Variants in MRPS28 observed in about 807,000 individuals in gnomAD.
MRPS28 encodes small ribosomal subunit protein bS1m.
Under a neutral mutation model 10.8 loss-of-function variants are expected in MRPS28, and 7 were observed. The ratio of observed to expected loss-of-function variants is 0.65; its 90% CI spans 0.37 to 1.22. The LOEUF (loss-of-function observed/expected upper bound fraction) is 1.22. Among genes scored for constraint, MRPS28 ranks in the 50% most tolerant of loss-of-function variants. The pLI, the probability that MRPS28 is intolerant of heterozygous loss-of-function variation, is 0.02. For missense variants in MRPS28, 265 were observed against 232.9 expected, an observed-to-expected ratio of 1.14 and a Z score of -0.90; for synonymous variants, 121 against 93.3, an observed-to-expected ratio of 1.30 and a Z score of -1.71.
chr8:80,004,600 C>T (rs1808771921), intron 1 of MRPS28, among the ~76,000 whole-genome samples: 1 of 152,214 alleles, frequency 6.6e-6, no homozygotes, highest in South Asian at 2.1e-4. Flanking sequence ...CAAAGGAATG[C>T]AGCTCCTTGC....
chr8:80,021,747 C>T (rs1054888943), intron 1 of MRPS28, among the ~76,000 whole-genome samples: 12 of 152,086 alleles, frequency 7.9e-5, no homozygotes, highest in Admixed American at 7.2e-4. Flanking sequence ...CAGTGCTGGG[C>T]CCGAGAGACC....
chr8:79,987,894 C>A (rs1389853263), intron 2 of MRPS28, among the ~76,000 whole-genome samples: 12 of 152,138 alleles, frequency 7.9e-5, no homozygotes, highest in Admixed American at 7.9e-4. Context: ...ACTAGAAGTA[C>A]CATTTGACCC....
chr8:79,949,971 T>C (rs1326715706), intron 2 of MRPS28, among the ~76,000 whole-genome samples: 1 of 152,202 alleles, frequency 6.6e-6, no homozygotes, highest in Non-Finnish European at 1.5e-5. Flanking sequence ...AATATTTGTA[T>C]TGCATTGTTA....
chr8:79,986,549 CTT>C (rs1320583648), intron 2 of MRPS28, among the ~76,000 whole-genome samples: 1 of 152,174 alleles, frequency 6.6e-6, no homozygotes, highest in African/African-American at 2.4e-5. Context: ...CCAAAATCTC[CTT>C]AAGCTGATAA....
intron 2 of MRPS28, among the ~76,000 whole-genome samples, chr8:79,993,405 T>C (rs945403894): frequency 1.3e-5 from 2 of 152,176 alleles, no homozygotes; most frequent in African/African-American, 4.8e-5. Flanking sequence ...CAAATCCATT[T>C]TGCATGTCAA....
chr8:79,950,449 G>A (rs1266981273), intron 2 of MRPS28, among the ~76,000 whole-genome samples: 2 of 152,068 alleles, frequency 1.3e-5, no homozygotes, highest in Non-Finnish European at 2.9e-5. Flanking sequence ...TAGGATATTA[G>A]GGTATAATTC....
intron 2 of MRPS28, among the ~76,000 whole-genome samples, chr8:79,942,426 G>A (rs1806793935): frequency 6.6e-6 from 1 of 152,204 alleles, no homozygotes; most frequent in Non-Finnish European, 1.5e-5. Context: ...AAGGCATGAT[G>A]ACATCTTTGG....
chr8:80,010,174 A>G (rs1211414554), intron 1 of MRPS28, among the ~76,000 whole-genome samples: 1 of 152,166 alleles, frequency 6.6e-6, no homozygotes, highest in Admixed American at 6.5e-5. Context: ...ATCCGTGAAC[A>G]CAGATTTGTG....
At chr8:80,009,001 A>T (rs573131719) in intron 1 of MRPS28, among the ~76,000 whole-genome samples, 1 of 152,358 alleles carries the variant, frequency 6.6e-6, no homozygotes, top group East Asian at 1.9e-4. Context: ...CACTATTCAC[A>T]ATAGCAAAGA....
intron 2 of MRPS28, among the ~76,000 whole-genome samples, chr8:79,992,417 C>T (rs966119125): frequency 2.0e-5 from 3 of 152,180 alleles, no homozygotes; most frequent in Non-Finnish European, 4.4e-5. Flanking sequence ...CGGTATCTAA[C>T]TGAAGTTTCA....
At chr8:80,002,963 A>G in intron 2 of MRPS28, 36 bp downstream of exon 2, 2 of 1,448,774 alleles carry the variant, frequency 1.4e-6, no homozygotes, top group Non-Finnish European at 1.8e-6. Flanking sequence ...AACTTTTATG[A>G]ATACTCTTAA....
intron 2 of MRPS28, among the ~76,000 whole-genome samples, chr8:79,973,895 C>T (rs770109663): frequency 2.7e-5 from 4 of 150,874 alleles, no homozygotes; most frequent in Non-Finnish European, 5.9e-5. Context: ...ACAAGTAGGT[C>T]GTGCATAGAA....
At chr8:79,988,682 G>A (rs932619474) in intron 2 of MRPS28, among the ~76,000 whole-genome samples, 4 of 152,106 alleles carry the variant, frequency 2.6e-5, no homozygotes, top group Admixed American at 6.5e-5. Flanking sequence ...TTATTATAGT[G>A]CTGTGATTTT....
intron 2 of MRPS28, among the ~76,000 whole-genome samples, chr8:79,984,799 G>C (rs1177446456): frequency 1.3e-5 from 2 of 152,134 alleles, no homozygotes; most frequent in Non-Finnish European, 2.9e-5. Flanking sequence ...CCTACAAAGA[G>C]ACTTAGACTC....
At chr8:79,975,959 C>CT (rs1272436215) in intron 2 of MRPS28, among the ~76,000 whole-genome samples, 4 of 152,084 alleles carry the variant, frequency 2.6e-5, no homozygotes, top group Non-Finnish European at 5.9e-5. Flanking sequence ...GCTATGCAGT[C>CT]TTTAACAATT....
intron 2 of MRPS28, among the ~76,000 whole-genome samples, chr8:79,934,547 A>T (rs916233889): frequency 4.6e-5 from 7 of 152,248 alleles, no homozygotes; most frequent in African/African-American, 1.7e-4. Flanking sequence ...GCTAACATCC[A>T]GTACAACACA....
Position 79,918,792 on chromosome 8 carries a change from A to G in MRPS28, c.*188T>C. The G allele has an allele frequency of 3.6e-6, 1 of 279,836 alleles. No individual in the cohort carries two copies. Among genetic ancestry groups the G allele is most frequent in the Non-Finnish European group, 6.2e-6 (1 of 160,670 alleles). The allele number at this position is 279,836 out of a possible 1,614,324, so 17.3% of individuals were successfully genotyped here. A position where few individuals can be genotyped will look rare whatever the true frequency, so the allele number is the denominator to read the frequency against. On this transcript the variant is annotated 3_prime_UTR_variant, in exon 3 of 3. Transcript: ENST00000276585. ...TATACTATCCCCACCAAAGGAAAAA[A>G]ACATTAAGAGCAAAACAAGGGGTGG...
At chr8:79,962,204 C>T (rs539703156) in intron 2 of MRPS28, among the ~76,000 whole-genome samples, 4 of 151,712 alleles carry the variant, frequency 2.6e-5, no homozygotes, top group African/African-American at 4.8e-5. Context: ...TTATATTATT[C>T]GTCGTTGTAT....
chr8:79,953,181 TTC>T (rs1807121119), intron 2 of MRPS28, among the ~76,000 whole-genome samples: 1 of 152,134 alleles, frequency 6.6e-6, no homozygotes, highest in Non-Finnish European at 1.5e-5. Context: ...TGCAGCCGTT[TTC>T]TCTCTTTTTT....
Sources: gnomAD v4.1 joint callset for allele counts (sites outside exome capture counted in the v4.1 genomes callset) on GRCh38, gnomAD v4.1.1 for gene constraint, MANE v1.5 for transcripts, NCBI Gene and HGNC (gene_info 2026-07-23, HGNC 2026-07-21) for gene names.